Variants in COG4 observed in about 807,000 individuals in gnomAD.
The protein encoded by COG4 is conserved oligomeric Golgi complex subunit 4.
COG4 carries 65 observed loss-of-function variants against 95.1 expected under a neutral mutation model. That is an observed-to-expected ratio of 0.68 (90% CI 0.56 to 0.84). The LOEUF (loss-of-function observed/expected upper bound fraction) is 0.84. COG4 is among the 40% of genes least tolerant of loss of function. The pLI is 0.00. For missense variants in COG4, 1,045 were observed against 989.1 expected, an observed-to-expected ratio of 1.06 and a Z score of -0.76; for synonymous variants, 421 against 374.8, an observed-to-expected ratio of 1.12 and a Z score of -1.42.
intron 7 of COG4, 54 bp from the exon 8 acceptor site, chr16:70,508,518 C>G: frequency 6.7e-7 from 1 of 1,499,932 alleles, no homozygotes; most frequent in Non-Finnish European, 9.3e-7. Context: ...CATCTATTGG[C>G]CTCTTGCTGG....
intron 3 of COG4, chr16:70,515,981 T>C (rs1428698819): frequency 2.2e-6 from 1 of 456,048 alleles, no homozygotes; most frequent in Admixed American, 2.3e-5. Context: ...CTGTGGTTTT[T>C]CACAGATGCT....
chr16:70,481,427 T>A lies in COG4; in HGVS notation c.2167A>T (p.Thr723Ser). 2 of 1,613,226 alleles carry A rather than the reference T, an allele frequency of 1.2e-6. No individual in the cohort carries two copies. The highest frequency in any genetic ancestry group is 1.7e-6 in the Non-Finnish European group (2 of 1,179,990). ...AACTTGTCTCGGATGGTCCAGGTGG[T>A]CACCGTGGTAAGGTAGGCAATGAGC... Reference protein sequence around the residue: ...RSLIAYLTTVTTWTIRDKFAR... With the variant: ...RSLIAYLTTVSTWTIRDKFAR... The change falls in exon 18 of 19, where the codon ACC (threonine) becomes TCC (serine). Residue 723 changes from threonine (T) to serine (S), a missense_variant. Coordinates refer to ENST00000323786, the MANE Select transcript of COG4 (RefSeq NM_015386.3).
intron 13 of COG4, among the ~76,000 whole-genome samples, chr16:70,487,576 C>T (rs897183332): frequency 2.6e-5 from 4 of 151,986 alleles, no homozygotes; most frequent in East Asian, 3.9e-4. Flanking sequence ...AGCGAGACTC[C>T]GTCTCAAAAA....
intron 7 of COG4, 188 bp from the exon 8 acceptor site, chr16:70,508,652 CTAA>C: frequency 1.5e-6 from 1 of 687,010 alleles, no homozygotes; most frequent in Non-Finnish European, 2.7e-6. Flanking sequence ...GGGTTGGATG[CTAA>C]TAATACTCAC....
At position 70,519,650 on chromosome 16, in the gene COG4, C is replaced by T. The variant is rs1422302119; in HGVS notation, c.253G>A (p.Gly85Ser). Residue 85 changes from glycine to serine, a missense_variant and splice_region_variant, in exon 2 of 19, where the codon GGT (glycine) becomes AGT (serine). Gly to Ser is a moderately conservative substitution (Grantham distance 56). Coordinates refer to ENST00000323786, the MANE Select transcript of COG4 (RefSeq NM_015386.3). ...TCTTGCTGAGATGCACAGACTCACC[C>T]CATTCGGTGGAGAGTGACCATCTTA... The part of the protein sequence containing the change: ...ESKMVTLHRM[G>S]PNLQLIEGDA... The T allele has an allele frequency of 1.2e-6, 2 of 1,608,192 alleles. No individual in the cohort carries two copies. Among genetic ancestry groups the T allele is most frequent in the African/African-American group, 1.3e-5 (1 of 74,808 alleles).
intron 4 of COG4, among the ~76,000 whole-genome samples, chr16:70,512,971 G>A (rs767236140): frequency 6.6e-6 from 1 of 152,078 alleles, no homozygotes; most frequent in African/African-American, 2.4e-5. Context: ...GTGAGACTCC[G>A]TCTCAAAAAA....
chr16:70,517,883 T>C (rs1567398086), intron 2 of COG4, 143 bp from the exon 3 acceptor site: 3 of 674,926 alleles, frequency 4.4e-6, no homozygotes, highest in Non-Finnish European at 8.0e-6. Flanking sequence ...ACTCAGCTTT[T>C]TCTCAAGAAC....
At position 70,482,138 on chromosome 16, in the gene COG4, A is replaced by G. The variant is rs1202393681; in HGVS notation, c.1958T>C (p.Val653Ala). 1 of 1,614,022 alleles carries G rather than the reference A, an allele frequency of 6.2e-7. No individual in the cohort carries two copies. The highest frequency in any genetic ancestry group is 1.7e-5 in the Admixed American group (1 of 59,998). ...CTCCAGGTTAAGGATGAACTGTTGT[A>G]CCCAAGGGTCGTTGGCCTCATAGTC... Reference protein sequence around the residue: ...FNDYEANDPWVQQFILNLEQQ... With the variant: ...FNDYEANDPWAQQFILNLEQQ... The change falls in exon 16 of 19, where the codon GTA (valine) becomes GCA (alanine). Residue 653 changes from valine to alanine, a missense_variant. Val to Ala is a moderately conservative substitution (Grantham distance 64). Coordinates refer to ENST00000323786, the MANE Select transcript of COG4 (RefSeq NM_015386.3).
rs149481008 is a variant in COG4, at chr16:70,522,841, G to A, written c.171+532C>T. On this transcript the variant is annotated intron_variant, in intron 1 of 18. Coordinates refer to ENST00000323786, the MANE Select transcript of COG4 (RefSeq NM_015386.3). ...ATGAAGTGACTTGTCCAAGATTAGA[G>A]AATTGTGTCTGAGTCTTAAAAGCTA... 3.4e-3 allele frequency among the ~76,000 whole-genome samples: 512 copies of A among 152,286 alleles called. 5 individuals are homozygous for A. The highest frequency in any genetic ancestry group is 0.017 in the Middle Eastern group (5 of 294).
intron 13 of COG4, among the ~76,000 whole-genome samples, chr16:70,487,304 A>T (rs2049158649): frequency 6.6e-6 from 1 of 151,648 alleles, no homozygotes; most frequent in Non-Finnish European, 1.5e-5. Flanking sequence ...AATAAAAAAA[A>T]AAAAAGACAA....
chr16:70,504,609 T>TAAAAAAAAAAAAAAAAA lies in COG4; in HGVS notation c.1062-3535_1062-3519dup, dbSNP rs66751123. On this transcript the variant is annotated intron_variant, in intron 8 of 18. Coordinates refer to ENST00000323786, the MANE Select transcript of COG4 (RefSeq NM_015386.3). The stretch of plus-strand genomic sequence containing the variant: ...GTGACGGAGTGAGTGAGATTCTATT[T>TAAAAAAAAAAAAAAAAA]AAAAAAAAAAAAAAAAAAAGAGGCC... Among the ~76,000 whole-genome samples the TAAAAAAAAAAAAAAAAA allele has an allele frequency of 7.9e-4, 96 of 121,952 alleles. 1 individual carries two copies. The highest frequency in any genetic ancestry group is 3.1e-3 in the African/African-American group (87 of 27,896). 80.0% of individuals were successfully genotyped at this position (121,952 alleles called of 152,430 possible).
At chr16:70,515,273 C>T (rs1421241576) in intron 3 of COG4, among the ~76,000 whole-genome samples, 1 of 152,054 alleles carries the variant, frequency 6.6e-6, no homozygotes. Flanking sequence ...TCATTCTCCT[C>T]GGCCTCCCAA....
intron 12 of COG4, 93 bp downstream of exon 12, chr16:70,496,173 C>G (rs762947647): frequency 8.2e-6 from 11 of 1,341,092 alleles, no homozygotes; most frequent in Non-Finnish European, 1.1e-5. Flanking sequence ...GAGGAAAAGT[C>G]TCTAGCTAGA....
chr16:70,510,633 T>C (rs1482732995), intron 5 of COG4, among the ~76,000 whole-genome samples: 1 of 151,884 alleles, frequency 6.6e-6, no homozygotes, highest in Non-Finnish European at 1.5e-5. Context: ...CATGTTATCA[T>C]TAACAGTGCT....
chr16:70,486,054 C>T (rs1391479205), intron 13 of COG4, among the ~76,000 whole-genome samples: 1 of 151,938 alleles, frequency 6.6e-6, no homozygotes, highest in Non-Finnish European at 1.5e-5. Flanking sequence ...CACCACCACG[C>T]TCTGCTAATT....
chr16:70,522,941 TTAA>T (rs2049982743), intron 1 of COG4: 1 of 201,730 alleles, frequency 5.0e-6, no homozygotes, highest in Admixed American at 5.6e-5. Context: ...AGAGGAAGTC[TTAA>T]AACGCTTCAA....
intron 2 of COG4, among the ~76,000 whole-genome samples, chr16:70,518,051 C>T (rs561196621): frequency 1.3e-5 from 2 of 152,146 alleles, no homozygotes; most frequent in Non-Finnish European, 2.9e-5. Flanking sequence ...CTGCCTCAGC[C>T]TCCTGAGTAG....
At chr16:70,507,187 AG>A (rs2151756641) in intron 8 of COG4, among the ~76,000 whole-genome samples, 1 of 152,242 alleles carries the variant, frequency 6.6e-6, no homozygotes, top group Admixed American at 6.5e-5. Flanking sequence ...GCAGTGAGCC[AG>A]GATCATACCA....
Position 70,482,853 on chromosome 16 carries a change from C to T in COG4, c.1828-32G>A, listed in dbSNP as rs370357860. On this transcript the variant is annotated intron_variant, in intron 14 of 18. Transcript: ENST00000323786. ...AAGGACAAGGTGGAGACATGTGACA[C>T]AGAAGGCACGACTCATCCCTTCCCT... The T allele has an allele frequency of 5.9e-5, 91 of 1,555,008 alleles. 1 individual carries two copies. The highest frequency in any genetic ancestry group is 1.7e-4 in the Admixed American group (10 of 59,804).
Sources: allele counts gnomAD v4.1 joint callset (sites outside exome capture counted in the v4.1 genomes callset), GRCh38; gene constraint gnomAD v4.1.1; transcripts MANE v1.5; gene names NCBI Gene and HGNC (gene_info 2026-07-23, HGNC 2026-07-21).